NECAP2: variants seen among roughly 807,000 people sequenced by gnomAD.
The protein encoded by NECAP2 is NECAP endocytosis associated 2.
In NECAP2, 38 loss-of-function variants were observed where a neutral mutation model predicts 37.8. That is an observed-to-expected ratio of 1.01 (90% CI 0.78 to 1.32). The LOEUF is 1.32. Among genes scored for constraint, NECAP2 ranks in the 40% most tolerant of loss-of-function variants. NECAP2 has a pLI of 0.00. For synonymous variants in NECAP2, 121 were observed against 127.7 expected (o/e 0.95, Z 0.35); for missense variants, 316 against 334.5 (o/e 0.94, Z 0.43).
At chr1:16,441,004 A>C in intron 1 of NECAP2, 151 bp downstream of exon 1, 1 of 648,478 alleles carries the variant, frequency 1.5e-6, no homozygotes. Flanking sequence ...AGGCCCGAGC[A>C]GGGAGGTGGA....
At chr1:16,457,615 C>T (rs2086939744) in intron 7 of NECAP2, among the ~76,000 whole-genome samples, 2 of 151,674 alleles carry the variant, frequency 1.3e-5, no homozygotes, top group Non-Finnish European at 2.9e-5. Flanking sequence ...TTTTGCATCG[C>T]TCTAGTATAT....
In NECAP2 at chr1:16,458,853, G is replaced by T; in HGVS notation, c.755G>T (p.Ser252Ile). ...DFTKSTGSTS[S>I]QTQPGTGWVQ... is the part of the protein sequence containing the mutation. ...TCTTCTCTTTACAGATCAACTTCCA[G>T]CCAGACCCAGCCAGGCACAGGCTGG... Residue 252 changes from serine (S) to isoleucine (I), a missense_variant, in exon 8 of 8, where the codon AGC becomes ATC. This residue lies in a region of NECAP2 where 204 missense variants were observed against 188.6 expected (regional missense o/e 1.08). Coordinates refer to ENST00000337132, the MANE Select transcript of NECAP2 (RefSeq NM_018090.5). 1 of 1,612,072 alleles carries T rather than the reference G, an allele frequency of 6.2e-7. No individual in the cohort carries two copies. The highest frequency in any genetic ancestry group is 1.1e-5 in the South Asian group (1 of 90,580).
Position 16,443,704 on chromosome 1 carries a change from C to T in NECAP2, c.165C>T (p.Ala55=). The T allele has an allele frequency of 3.7e-6, 6 of 1,612,928 alleles. No individual in the cohort carries two copies. Among genetic ancestry groups the T allele is most frequent in the African/African-American group, 1.3e-5 (1 of 75,008 alleles). ...GGATCACTGCAAAGGGACAGATGGC[C>T]TACATCAAGCTGGAGGACAGGACGT... ...RLRITAKGQM[A]YIKLEDRTSG... Residue 55 remains alanine, a synonymous_variant, in exon 2 of 8, where the codon GCC becomes GCT. Transcript: ENST00000337132.
chr1:16,454,554 A>G (rs1426968929), intron 6 of NECAP2, among the ~76,000 whole-genome samples: 1 of 145,400 alleles, frequency 6.9e-6, no homozygotes, highest in Non-Finnish European at 1.5e-5. Context: ...CAGAGGTTTC[A>G]CCACGTTGGC....
intron 5 of NECAP2, chr1:16,451,591 C>T (rs1570267821): frequency 3.6e-6 from 2 of 548,998 alleles, no homozygotes; most frequent in Non-Finnish European, 6.5e-6. Flanking sequence ...ATCATTATAG[C>T]TTTGATCTGC....
rs181647206 is a variant in NECAP2, at chr1:16,451,880, C to A, written c.532C>A (p.Arg178=). The stretch of plus-strand genomic sequence containing the variant: ...AGGAGCAGCTGGGAATCCCCGAGTC[C>A]GGCCTGCCAGCACAGGAGGGCTGAG... ...KEGAAGNPRV[R]PASTGGLSLL... Residue 178 remains arginine, a synonymous_variant, in exon 6 of 8, where the codon CGG becomes AGG. Transcript: ENST00000337132. 2 of 1,613,962 alleles carry A rather than the reference C, an allele frequency of 1.2e-6. No individual in the cohort carries two copies. The highest frequency in any genetic ancestry group is 1.7e-6 in the Non-Finnish European group (2 of 1,179,994).
intron 6 of NECAP2, among the ~76,000 whole-genome samples, chr1:16,455,199 G>A (rs1010714799): frequency 1.3e-4 from 20 of 152,232 alleles, no homozygotes; most frequent in African/African-American, 4.6e-4. Flanking sequence ...GGCAGCACTG[G>A]GGGAGGTGCC....
At chr1:16,449,513 C>G (rs1384648809) in intron 5 of NECAP2, 2 of 294,546 alleles carry the variant, frequency 6.8e-6, no homozygotes, top group African/African-American at 4.3e-5. Context: ...CCAAGGAAGG[C>G]TTCCTGGAAG....
chr1:16,454,301 C>G (rs2086887557), intron 6 of NECAP2, among the ~76,000 whole-genome samples: 1 of 151,428 alleles, frequency 6.6e-6, no homozygotes, highest in Non-Finnish European at 1.5e-5. Flanking sequence ...TCAGGTGATC[C>G]TCCCGCCTTG....
At chr1:16,443,400 T>C (rs1023820446) in intron 1 of NECAP2, among the ~76,000 whole-genome samples, 2 of 152,226 alleles carry the variant, frequency 1.3e-5, no homozygotes, top group African/African-American at 2.4e-5. Flanking sequence ...ATAGTTAAGA[T>C]ACCTAAAGCA....
At chr1:16,443,230 C>T (rs190000117) in intron 1 of NECAP2, among the ~76,000 whole-genome samples, 13 of 152,254 alleles carry the variant, frequency 8.5e-5, no homozygotes, top group Non-Finnish European at 1.5e-5. Context: ...AAGTGACAAC[C>T]CAGTGTGTTT....
At chr1:16,453,577 C>A (rs191679898) in intron 6 of NECAP2, among the ~76,000 whole-genome samples, 1 of 152,200 alleles carries the variant, frequency 6.6e-6, no homozygotes, top group African/African-American at 2.4e-5. Flanking sequence ...CAACCTCCAC[C>A]TCCTGGGTTC....
chr1:16,449,427 A>G (rs1570264145), intron 5 of NECAP2: 1 of 503,126 alleles, frequency 2.0e-6, no homozygotes, highest in African/African-American at 1.9e-5. Context: ...CATGGCAGGA[A>G]AGGTTCCATG....
At chr1:16,448,984 A>G in intron 4 of NECAP2, 109 bp from the exon 5 acceptor site, 1 of 693,822 alleles carries the variant, frequency 1.4e-6, no homozygotes, top group South Asian at 1.9e-5. Context: ...ACCCCGTCTC[A>G]CTACGAGGCT....
chr1:16,455,929 C>A, intron 7 of NECAP2, 36 bp downstream of exon 7: 1 of 1,541,252 alleles, frequency 6.5e-7, no homozygotes. Context: ...GGGCTGGGGC[C>A]AGGGCCGTTG....
At chr1:16,453,481 G>A (rs763334806) in intron 6 of NECAP2, among the ~76,000 whole-genome samples, 27 of 151,974 alleles carry the variant, frequency 1.8e-4, no homozygotes, top group Non-Finnish European at 3.7e-4. Flanking sequence ...AAGCAACCAA[G>A]GTTGCTGATG....
intron 7 of NECAP2, among the ~76,000 whole-genome samples, chr1:16,456,715 G>C (rs2086925277): frequency 6.6e-6 from 1 of 151,810 alleles, no homozygotes; most frequent in Non-Finnish European, 1.5e-5. Context: ...TTCTAGGACA[G>C]GGGTCAGCAC....
intron 2 of NECAP2, among the ~76,000 whole-genome samples, chr1:16,445,765 G>A (rs2086750815): frequency 6.6e-6 from 1 of 152,108 alleles, no homozygotes; most frequent in Non-Finnish European, 1.5e-5. Flanking sequence ...TTAGCCAGGC[G>A]TGGTGGTGCA....
At position 16,440,869 on chromosome 1, in the gene NECAP2, C is replaced by T. The variant is rs753752766; in HGVS notation, c.92+16C>T. On this transcript the variant is annotated intron_variant, in intron 1 of 7. Transcript: ENST00000337132. ...GTGGCTACAGGTGACTACCCACCGCCAGACCAGGCTAGCTCCAATTTAACC... is the reference window on the plus strand; with the variant it reads ...GTGGCTACAGGTGACTACCCACCGCTAGACCAGGCTAGCTCCAATTTAACC... 1 of 1,605,018 alleles carries T rather than the reference C, an allele frequency of 6.2e-7. No individual in the cohort carries two copies. Among genetic ancestry groups the T allele is most frequent in the Admixed American group, 1.7e-5 (1 of 60,014 alleles).
Sources: gnomAD v4.1 joint callset for allele counts (sites outside exome capture counted in the v4.1 genomes callset) on GRCh38, gnomAD v4.1.1 for gene constraint, gnomAD v4.1.1 regional missense constraint, MANE v1.5 for transcripts, NCBI Gene and HGNC (gene_info 2026-07-23, HGNC 2026-07-21) for gene names.